Variants in GALNTL6 observed in about 807,000 individuals in gnomAD.
GALNTL6 encodes the protein polypeptide N-acetylgalactosaminyltransferase-like 6.
GALNTL6 carries 46 observed loss-of-function variants against 73.7 expected under a neutral mutation model. The ratio of observed to expected loss-of-function variants is 0.62; its 90% CI spans 0.49 to 0.80. The LOEUF (loss-of-function observed/expected upper bound fraction) is 0.80, where lower values mean the gene tolerates loss of function less well. GALNTL6 is among the 30% of genes least tolerant of loss of function. The pLI is 0.00. For synonymous variants in GALNTL6, 259 were observed against 263.7 expected, an observed-to-expected ratio of 0.98 and a Z score of 0.17; for missense variants, 604 against 755.0, an observed-to-expected ratio of 0.80 and a Z score of 2.34.
chr4:172,282,796 CA>C (rs1174278772), intron 3 of GALNTL6, among the ~76,000 whole-genome samples: 1 of 151,900 alleles, frequency 6.6e-6, no homozygotes, highest in Non-Finnish European at 1.5e-5. Flanking sequence ...GAGGCGTAAT[CA>C]AATGAATAAA....
intron 5 of GALNTL6, among the ~76,000 whole-genome samples, chr4:172,453,299 G>A (rs1370433033): frequency 1.3e-5 from 2 of 152,098 alleles, no homozygotes; most frequent in African/African-American, 4.8e-5. Context: ...CAAGTTTTTA[G>A]TTGGGGAACA....
At chr4:172,727,509 T>C (rs991940167) in intron 5 of GALNTL6, among the ~76,000 whole-genome samples, 5 of 152,232 alleles carry the variant, frequency 3.3e-5, no homozygotes, top group Non-Finnish European at 7.3e-5. Flanking sequence ...CCTGTTTTTA[T>C]AAAGATAATT....
chr4:172,771,672 A>C (rs1460318968), intron 5 of GALNTL6, among the ~76,000 whole-genome samples: 1 of 152,182 alleles, frequency 6.6e-6, no homozygotes, highest in Middle Eastern at 3.2e-3. Context: ...TGGTCACTGG[A>C]CCACCTGCAT....
At chr4:171,888,130 T>C (rs114187792) in intron 2 of GALNTL6, among the ~76,000 whole-genome samples, 3,045 of 152,176 alleles carry the variant, frequency 0.02, 90 homozygotes, top group African/African-American at 0.069. Context: ...GTAATGCTTG[T>C]TGACATTACT....
chr4:172,203,176 G>A (rs1045402876), intron 2 of GALNTL6, among the ~76,000 whole-genome samples: 1 of 152,086 alleles, frequency 6.6e-6, no homozygotes, highest in Non-Finnish European at 1.5e-5. Flanking sequence ...ATAGAATGAG[G>A]ACATAAAAAT....
intron 12 of GALNTL6, among the ~76,000 whole-genome samples, chr4:173,025,291 G>C (rs1486274012): frequency 1.3e-5 from 2 of 152,134 alleles, no homozygotes; most frequent in African/African-American, 4.8e-5. Flanking sequence ...ACAGTGAATT[G>C]TTGAGGCAAC....
At chr4:172,127,327 G>C (rs565962183) in intron 2 of GALNTL6, among the ~76,000 whole-genome samples, 4 of 152,328 alleles carry the variant, frequency 2.6e-5, no homozygotes, top group Non-Finnish European at 5.9e-5. Flanking sequence ...GTTGACACCT[G>C]AGTATTGCTA....
chr4:172,040,758 C>G (rs1232713006), intron 2 of GALNTL6, among the ~76,000 whole-genome samples: 6 of 152,018 alleles, frequency 3.9e-5, no homozygotes, highest in African/African-American at 1.4e-4. Context: ...AGCCAGGATT[C>G]CAACTGCAAT....
At chr4:172,692,343 AT>A (rs913370944) in intron 5 of GALNTL6, among the ~76,000 whole-genome samples, 3 of 151,994 alleles carry the variant, frequency 2.0e-5, no homozygotes, top group Middle Eastern at 3.4e-3. Context: ...TACATTCTAG[AT>A]TTTTTTTAGA....
intron 2 of GALNTL6, among the ~76,000 whole-genome samples, chr4:172,101,461 G>C (rs1040918439): frequency 6.6e-6 from 1 of 152,194 alleles, no homozygotes; most frequent in African/African-American, 2.4e-5. Context: ...TGACGAGAGA[G>C]AGAGAGATGT....
At chr4:172,213,740 A>G (rs1736404550) in intron 2 of GALNTL6, among the ~76,000 whole-genome samples, 1 of 152,102 alleles carries the variant, frequency 6.6e-6, no homozygotes, top group Non-Finnish European at 1.5e-5. Context: ...TGGAATTTTT[A>G]CAATGTCTTT....
At chr4:171,834,926 A>G (rs575024267) in intron 2 of GALNTL6, among the ~76,000 whole-genome samples, 57 of 152,116 alleles carry the variant, frequency 3.7e-4, no homozygotes, top group Non-Finnish European at 7.1e-4. Context: ...AGAACCTTGT[A>G]GAGATAACAT....
At chr4:172,315,909 T>C (rs920440758) in intron 4 of GALNTL6, among the ~76,000 whole-genome samples, 1 of 152,056 alleles carries the variant, frequency 6.6e-6, no homozygotes, top group African/African-American at 2.4e-5. Context: ...ATTTAACTTA[T>C]AGTTCAGGAT....
intron 5 of GALNTL6, among the ~76,000 whole-genome samples, chr4:172,583,156 ACACT>A (rs1165719743): frequency 6.6e-6 from 1 of 152,072 alleles, no homozygotes; most frequent in East Asian, 1.9e-4. Context: ...ACACACAAAC[ACACT>A]CACACACATT....
At chr4:172,607,138 A>G (rs971547217) in intron 5 of GALNTL6, among the ~76,000 whole-genome samples, 1 of 152,128 alleles carries the variant, frequency 6.6e-6, no homozygotes, top group African/African-American at 2.4e-5. Flanking sequence ...AAAATAAGAG[A>G]AAAAAGTAAA....
intron 10 of GALNTL6, among the ~76,000 whole-genome samples, chr4:172,967,214 C>T (rs1173025074): frequency 1.3e-5 from 2 of 152,326 alleles, no homozygotes; most frequent in African/African-American, 4.8e-5. Flanking sequence ...CCTTCACTTA[C>T]ATTTTCCCTT....
At chr4:172,438,280 A>T (rs1016081320) in intron 5 of GALNTL6, among the ~76,000 whole-genome samples, 1 of 152,084 alleles carries the variant, frequency 6.6e-6, no homozygotes, top group African/African-American at 2.4e-5. Flanking sequence ...TCAGGCAATC[A>T]TATGGTCATG....
intron 5 of GALNTL6, among the ~76,000 whole-genome samples, chr4:172,684,516 A>G (rs940115919): frequency 4.6e-5 from 7 of 152,236 alleles, no homozygotes; most frequent in African/African-American, 1.4e-4. Flanking sequence ...AAAAAAGTAT[A>G]TGATTAAATG....
intron 7 of GALNTL6, among the ~76,000 whole-genome samples, chr4:172,855,340 A>T (rs1443634213): frequency 6.6e-6 from 1 of 152,052 alleles, no homozygotes; most frequent in African/African-American, 2.4e-5. Flanking sequence ...ATTTATTTTG[A>T]TTGTAATGGA....
Sources: gnomAD v4.1 joint callset for allele counts (sites outside exome capture counted in the v4.1 genomes callset) on GRCh38, gnomAD v4.1.1 for gene constraint, MANE v1.5 for transcripts, NCBI Gene and HGNC (gene_info 2026-07-23, HGNC 2026-07-21) for gene names.